The following SAMTOR variants were observed in gnomAD, a reference collection of about 807,000 sequenced individuals.
The protein encoded by SAMTOR is UPF0532 protein C7orf60.
chr7:112,863,177 A>C, the SAMTOR span, among the ~76,000 whole-genome samples: 1 of 152,202 alleles, frequency 6.6e-6, no homozygotes, highest in African/African-American at 2.4e-5. Flanking sequence ...AGAAACAAGC[A>C]ATGGAGAAAG....
the SAMTOR span, among the ~76,000 whole-genome samples, chr7:112,929,005 T>C: frequency 6.6e-6 from 1 of 151,932 alleles, no homozygotes; most frequent in African/African-American, 2.4e-5. Flanking sequence ...GTGCTAAGGT[T>C]CATGCATTTT....
the SAMTOR span, among the ~76,000 whole-genome samples, chr7:112,847,270 C>A: frequency 6.6e-6 from 1 of 152,178 alleles, no homozygotes; most frequent in African/African-American, 2.4e-5. Context: ...GATTTAACAG[C>A]AGAAATACTC....
At chr7:112,905,618 C>T in the SAMTOR span, among the ~76,000 whole-genome samples, 1 of 152,084 alleles carries the variant, frequency 6.6e-6, no homozygotes, top group Non-Finnish European at 1.5e-5. Flanking sequence ...GATGGTTCAG[C>T]ATAAGAAAAT....
chr7:112,830,102 C>A, the SAMTOR span, among the ~76,000 whole-genome samples: 2 of 151,998 alleles, frequency 1.3e-5, no homozygotes, highest in Non-Finnish European at 2.9e-5. Flanking sequence ...GGACTCTTCA[C>A]AACTCACAGA....
the SAMTOR span, among the ~76,000 whole-genome samples, chr7:112,913,353 A>G: frequency 6.6e-6 from 1 of 152,184 alleles, no homozygotes; most frequent in African/African-American, 2.4e-5. Context: ...CCTCTGAGTC[A>G]TTACACTTAT....
At chr7:112,846,019 A>T in the SAMTOR span, among the ~76,000 whole-genome samples, 1 of 152,148 alleles carries the variant, frequency 6.6e-6, no homozygotes, top group Non-Finnish European at 1.5e-5. Flanking sequence ...ACACAAGGAC[A>T]TAAAGAGAAA....
the SAMTOR span, among the ~76,000 whole-genome samples, chr7:112,854,908 T>C: frequency 6.6e-6 from 1 of 152,174 alleles, no homozygotes; most frequent in Admixed American, 6.5e-5. Flanking sequence ...AGTAAAAAGA[T>C]CTTAGCTATG....
chr7:112,893,636 T>C, the SAMTOR span, among the ~76,000 whole-genome samples: 1 of 152,158 alleles, frequency 6.6e-6, no homozygotes, highest in Non-Finnish European at 1.5e-5. Context: ...CACTTTCAAT[T>C]TTAAAAATAA....
chr7:112,923,448 T>C, the SAMTOR span, among the ~76,000 whole-genome samples: 2 of 151,468 alleles, frequency 1.3e-5, no homozygotes, highest in Non-Finnish European at 2.9e-5. Context: ...AATCCCCCTC[T>C]GGGAGAAACA....
the SAMTOR span, among the ~76,000 whole-genome samples, chr7:112,853,093 T>C: frequency 6.6e-6 from 1 of 152,210 alleles, no homozygotes; most frequent in African/African-American, 2.4e-5. Context: ...ATTTCTGTTA[T>C]GCTGCCTCTA....
chr7:112,827,545 G>A, the SAMTOR span, among the ~76,000 whole-genome samples: 1 of 152,032 alleles, frequency 6.6e-6, no homozygotes, highest in African/African-American at 2.4e-5. Flanking sequence ...ACTGGTTCCA[G>A]GAACCACTGT....
chr7:112,828,532 T>C, the SAMTOR span, among the ~76,000 whole-genome samples: 1 of 152,208 alleles, frequency 6.6e-6, no homozygotes, highest in Non-Finnish European at 1.5e-5. Context: ...TAATCACCCC[T>C]GTTTAATTTG....
chr7:112,821,790 G>C, the SAMTOR span: 2 of 1,612,962 alleles, frequency 1.2e-6, no homozygotes, highest in Non-Finnish European at 1.7e-6. Flanking sequence ...GAAAGGAATA[G>C]AGCTGGCTTG....
At chr7:112,926,105 C>A in the SAMTOR span, among the ~76,000 whole-genome samples, 7 of 152,138 alleles carry the variant, frequency 4.6e-5, no homozygotes, top group African/African-American at 1.7e-4. Context: ...AGGGGACAAT[C>A]TCAGTGGGCT....
At chr7:112,859,509 A>C in the SAMTOR span, among the ~76,000 whole-genome samples, 3 of 152,212 alleles carry the variant, frequency 2.0e-5, no homozygotes, top group African/African-American at 7.2e-5. Context: ...ATATTAGTGT[A>C]TTCCTTCAGG....
chr7:112,906,248 A>G, the SAMTOR span, among the ~76,000 whole-genome samples: 3 of 152,216 alleles, frequency 2.0e-5, no homozygotes, highest in Non-Finnish European at 2.9e-5. Flanking sequence ...TGAATACTGT[A>G]GGCCACTGTA....
chr7:112,878,151 CAA>C, the SAMTOR span, among the ~76,000 whole-genome samples: 1 of 152,052 alleles, frequency 6.6e-6, no homozygotes, highest in South Asian at 2.1e-4. Context: ...CACAATTACT[CAA>C]GAGTTTAGTT....
chr7:112,916,958 A>G, the SAMTOR span, among the ~76,000 whole-genome samples: 1 of 152,220 alleles, frequency 6.6e-6, no homozygotes, highest in Non-Finnish European at 1.5e-5. Flanking sequence ...AACTGGGTGG[A>G]GCCCACCACA....
At chr7:112,894,681 G>C in the SAMTOR span, among the ~76,000 whole-genome samples, 1 of 152,126 alleles carries the variant, frequency 6.6e-6, no homozygotes, top group Non-Finnish European at 1.5e-5. Context: ...ACTACCACGA[G>C]AACAGTATGG....
Sources: allele counts gnomAD v4.1 joint callset (sites outside exome capture counted in the v4.1 genomes callset), GRCh38; gene constraint gnomAD v4.1.1; transcripts MANE v1.5; gene names NCBI Gene and HGNC (gene_info 2026-07-23, HGNC 2026-07-21).